LRMDA: variants seen among roughly 807,000 people sequenced by gnomAD.
The protein encoded by LRMDA is leucine rich melanocyte differentiation associated.
LRMDA carries 18 observed loss-of-function variants against 29.8 expected under a neutral mutation model. The observed-to-expected ratio is 0.60, with a 90% CI of 0.42 to 0.90. The LOEUF is 0.90. Among genes scored for constraint, LRMDA ranks in the 40% least tolerant of loss-of-function variants. LRMDA has a pLI of 0.00. For missense variants in LRMDA, 273 were observed against 273.9 expected, an observed-to-expected ratio of 1.00 and a Z score of 0.02; for synonymous variants, 125 against 109.4, an observed-to-expected ratio of 1.14 and a Z score of -0.89.
chr10:75,446,124 G>A (rs1240942173), intron 2 of LRMDA, among the ~76,000 whole-genome samples: 1 of 152,240 alleles, frequency 6.6e-6, no homozygotes, highest in Non-Finnish European at 1.5e-5. Context: ...CTGTGTCTCT[G>A]TTATGAACTG....
At chr10:75,751,856 C>T (rs913781602) in intron 2 of LRMDA, among the ~76,000 whole-genome samples, 2 of 152,146 alleles carry the variant, frequency 1.3e-5, no homozygotes, top group Non-Finnish European at 2.9e-5. Context: ...TGTGCTCAAA[C>T]CAGTAGTTCC....
chr10:76,239,494 C>T (rs1400318075), intron 5 of LRMDA, among the ~76,000 whole-genome samples: 4 of 152,140 alleles, frequency 2.6e-5, no homozygotes, highest in East Asian at 1.9e-4. Flanking sequence ...CCTTTTATTG[C>T]GTTGCTGTAT....
At chr10:76,122,696 C>A (rs963252572) in intron 5 of LRMDA, among the ~76,000 whole-genome samples, 1 of 152,182 alleles carries the variant, frequency 6.6e-6, no homozygotes, top group African/African-American at 2.4e-5. Context: ...GCCTCTTTCC[C>A]AGTTCATCCT....
At chr10:75,677,907 G>T (rs1003538325) in intron 2 of LRMDA, among the ~76,000 whole-genome samples, 5 of 152,108 alleles carry the variant, frequency 3.3e-5, no homozygotes, top group Admixed American at 1.3e-4. Context: ...TGAAACATAA[G>T]GATATTTTTA....
chr10:75,764,023 A>G (rs952925389), intron 2 of LRMDA, among the ~76,000 whole-genome samples: 2 of 152,134 alleles, frequency 1.3e-5, no homozygotes, highest in African/African-American at 4.8e-5. Context: ...AGGAGACTTC[A>G]GGAACTGCTT....
At chr10:76,358,813 A>G (rs1312844690) in intron 6 of LRMDA, among the ~76,000 whole-genome samples, 1 of 152,240 alleles carries the variant, frequency 6.6e-6, no homozygotes, top group Non-Finnish European at 1.5e-5. Flanking sequence ...TAGGACTTAC[A>G]TGTTATCCAT....
At chr10:76,421,786 A>G (rs958694555) in intron 6 of LRMDA, among the ~76,000 whole-genome samples, 4 of 152,056 alleles carry the variant, frequency 2.6e-5, no homozygotes, top group Admixed American at 6.6e-5. Context: ...GTAGCTTGTT[A>G]TCTCTTATTG....
intron 5 of LRMDA, among the ~76,000 whole-genome samples, chr10:76,184,035 T>TA (rs1201315546): frequency 2.0e-5 from 3 of 146,960 alleles, no homozygotes; most frequent in Non-Finnish European, 4.5e-5. Context: ...CTTTATTTAT[T>TA]TTTTTTTTTT....
Position 75,490,091 on chromosome 10 carries a change from G to T in LRMDA, c.131+51597G>T, listed in dbSNP as rs1357775810. On this transcript the variant is annotated intron_variant, in intron 2 of 6. Coordinates refer to ENST00000611255, the MANE Select transcript of LRMDA (RefSeq NM_001305581.2). The stretch of plus-strand genomic sequence containing the variant: ...GTCTTACAATAATCCTATGTGTAAG[G>T]CACTGTTTATTATCTTTCCTACTCT... 2.0e-5 allele frequency among the ~76,000 whole-genome samples: 3 copies of T among 152,058 alleles called. No homozygotes were observed. In the East Asian group the frequency reaches 5.8e-4, roughly 29 times the overall value.
At chr10:76,012,259 C>T (rs1016506220) in intron 2 of LRMDA, among the ~76,000 whole-genome samples, 4 of 152,226 alleles carry the variant, frequency 2.6e-5, no homozygotes, top group African/African-American at 9.6e-5. Flanking sequence ...TCAGCCACTG[C>T]ACTTTGTCAT....
At chr10:75,524,457 T>TGG (rs1293967706) in intron 2 of LRMDA, among the ~76,000 whole-genome samples, 2 of 152,172 alleles carry the variant, frequency 1.3e-5, no homozygotes, top group Non-Finnish European at 2.9e-5. Flanking sequence ...TTTAGGGTCT[T>TGG]GGTGATGTAA....
intron 6 of LRMDA, among the ~76,000 whole-genome samples, chr10:76,338,047 G>C (rs1313319018): frequency 6.9e-6 from 1 of 144,004 alleles, no homozygotes; most frequent in African/African-American, 2.6e-5. Flanking sequence ...AGAAATAATA[G>C]AAATGCTGTT....
At chr10:75,911,746 A>C (rs1426369615) in intron 2 of LRMDA, among the ~76,000 whole-genome samples, 1 of 152,176 alleles carries the variant, frequency 6.6e-6, no homozygotes, top group Admixed American at 6.5e-5. Context: ...TAGAAAATAA[A>C]ATGTAGCCCC....
At chr10:75,772,317 T>C (rs1201116352) in intron 2 of LRMDA, among the ~76,000 whole-genome samples, 1 of 152,232 alleles carries the variant, frequency 6.6e-6, no homozygotes, top group Non-Finnish European at 1.5e-5. Context: ...TTATAAAATG[T>C]TGTTATTGAC....
chr10:75,825,049 A>G (rs539587661), intron 2 of LRMDA, among the ~76,000 whole-genome samples: 45 of 152,294 alleles, frequency 3.0e-4, no homozygotes, highest in African/African-American at 7.7e-4. Flanking sequence ...CTGACGCCAT[A>G]AGCTTTGGGG....
chr10:75,762,505 A>G (rs1390214908), intron 2 of LRMDA, among the ~76,000 whole-genome samples: 1 of 152,336 alleles, frequency 6.6e-6, no homozygotes, highest in East Asian at 1.9e-4. Flanking sequence ...CAGGCACTTG[A>G]GCAGAATGTT....
intron 2 of LRMDA, among the ~76,000 whole-genome samples, chr10:75,792,340 C>T (rs1008188018): frequency 6.6e-6 from 1 of 152,128 alleles, no homozygotes; most frequent in Non-Finnish European, 1.5e-5. Context: ...TCTTGGCTAA[C>T]TGCAACCTCC....
At chr10:76,472,014 A>G (rs1338518136) in intron 6 of LRMDA, among the ~76,000 whole-genome samples, 2 of 151,802 alleles carry the variant, frequency 1.3e-5, no homozygotes, top group Non-Finnish European at 3.0e-5. Flanking sequence ...AATAACAGAT[A>G]GAACAACTAG....
At chr10:76,234,795 G>A (rs1246517660) in intron 5 of LRMDA, among the ~76,000 whole-genome samples, 2 of 152,154 alleles carry the variant, frequency 1.3e-5, no homozygotes, top group African/African-American at 2.4e-5. Flanking sequence ...CATAAATGAG[G>A]AGAGTTAAGG....
Sources: gnomAD v4.1 joint callset for allele counts (sites outside exome capture counted in the v4.1 genomes callset) on GRCh38, gnomAD v4.1.1 for gene constraint, MANE v1.5 for transcripts, NCBI Gene and HGNC (gene_info 2026-07-23, HGNC 2026-07-21) for gene names.